ANO2: variants seen among roughly 807,000 people sequenced by gnomAD.
ANO2 encodes anoctamin 2.
In ANO2, 101 loss-of-function variants were observed where a neutral mutation model predicts 124.2. The ratio of observed to expected loss-of-function variants is 0.81; its 90% CI spans 0.69 to 0.96. ANO2 has a LOEUF of 0.96. Ranked by LOEUF, ANO2 falls within the 40% of genes least tolerant of loss-of-function variation. The probability of loss-of-function intolerance (pLI) is 0.00; values close to 1 mark genes in which losing one functional copy is unlikely to be tolerated. For missense variants in ANO2, 1,293 were observed against 1,274.5 expected, an observed-to-expected ratio of 1.01 and a Z score of -0.22; for synonymous variants, 486 against 482.5, an observed-to-expected ratio of 1.01 and a Z score of -0.09.
intron 19 of ANO2, among the ~76,000 whole-genome samples, chr12:5,610,849 CACACACACACAA>C (rs1354616036): frequency 2.7e-5 from 4 of 146,322 alleles, no homozygotes; most frequent in African/African-American, 1.0e-4. Flanking sequence ...CACACACACA[CACACACACACAA>C]CCCTAAGGGA....
chr12:5,568,064 TG>T (rs770517847), intron 23 of ANO2, among the ~76,000 whole-genome samples: 2 of 152,164 alleles, frequency 1.3e-5, no homozygotes, highest in Non-Finnish European at 2.9e-5. Context: ...AAACATACTT[TG>T]TTGTGTGCAA....
At chr12:5,796,876 T>C (rs1220421259) in intron 10 of ANO2, among the ~76,000 whole-genome samples, 1 of 152,214 alleles carries the variant, frequency 6.6e-6, no homozygotes, top group African/African-American at 2.4e-5. Context: ...TCCTGCCCCA[T>C]GAGCTCTCAA....
chr12:5,572,465 C>G (rs1160364655), intron 23 of ANO2, among the ~76,000 whole-genome samples: 2 of 152,222 alleles, frequency 1.3e-5, no homozygotes, highest in Admixed American at 6.5e-5. Context: ...ACACTTAAGT[C>G]TGTGTTAGGT....
At chr12:5,799,157 C>A (rs972418424) in intron 10 of ANO2, among the ~76,000 whole-genome samples, 4 of 152,228 alleles carry the variant, frequency 2.6e-5, no homozygotes, top group Admixed American at 6.5e-5. Flanking sequence ...CATAACCCAA[C>A]AATCAGCTTC....
intron 3 of ANO2, among the ~76,000 whole-genome samples, chr12:5,863,129 C>A (rs2137268509): frequency 6.6e-6 from 1 of 152,242 alleles, no homozygotes. Flanking sequence ...ACCTCTTTTT[C>A]TTTATAAATT....
intron 14 of ANO2, among the ~76,000 whole-genome samples, chr12:5,656,795 T>G (rs1323470745): frequency 6.6e-6 from 1 of 152,194 alleles, no homozygotes; most frequent in Non-Finnish European, 1.5e-5. Context: ...CTCACTTAGA[T>G]CCCTCTCTAT....
intron 9 of ANO2, 65 bp downstream of exon 9, chr12:5,805,987 C>A (rs1953177888): frequency 1.3e-6 from 2 of 1,523,618 alleles, no homozygotes; most frequent in East Asian, 4.5e-5. Flanking sequence ...CACTTCTAGC[C>A]ACTTCCACAC....
At chr12:5,822,855 T>A (rs142920398) in intron 7 of ANO2, among the ~76,000 whole-genome samples, 2,821 of 152,266 alleles carry the variant, frequency 0.019, 49 homozygotes, top group Non-Finnish European at 0.026. Context: ...TTCCACATGG[T>A]TGGGGAGGCC....
chr12:5,911,127 C>G (rs181004927), intron 3 of ANO2, among the ~76,000 whole-genome samples: 13 of 152,318 alleles, frequency 8.5e-5, no homozygotes, highest in Admixed American at 7.8e-4. Flanking sequence ...ACCTCTGTTA[C>G]TGCACTTTTA....
intron 20 of ANO2, among the ~76,000 whole-genome samples, chr12:5,590,949 G>A (rs1191015897): frequency 1.3e-5 from 2 of 152,142 alleles, no homozygotes; most frequent in Admixed American, 6.5e-5. Context: ...CACTTTGGGA[G>A]GCCAAGTCGG....
rs991356173 is a variant in ANO2 at position 5,819,584 on chromosome 12, G to C, written c.892+8185C>G. Among the ~76,000 whole-genome samples the C allele has an allele frequency of 5.9e-5, 9 of 152,332 alleles. No homozygotes were observed. In the East Asian group the frequency reaches 1.5e-3, roughly 26 times the overall value. On this transcript the variant is annotated intron_variant, in intron 7 of 24. Coordinates refer to ENST00000682330, the MANE Select transcript of ANO2 (RefSeq NM_001364791.2). ...GCCTGATCTCCCTTGGTTTAACGTA[G>C]AGGAAGAGATCCAAAGGGTTAGGGA...
intron 20 of ANO2, among the ~76,000 whole-genome samples, chr12:5,586,030 A>G (rs2136859160): frequency 6.6e-6 from 1 of 152,320 alleles, no homozygotes; most frequent in Non-Finnish European, 1.5e-5. Context: ...TTGTTAGAGC[A>G]AGAAGAGAAA....
chr12:5,799,334 C>T lies in ANO2; in HGVS notation c.1055+173G>A, dbSNP rs573955954. On this transcript the variant is annotated intron_variant, in intron 10 of 24. Transcript: ENST00000682330. ...TGCCCCACGCAGCCTCCATGTCCCT[C>T]CCATGTCCCCAGCTGCTTCCCCACC... Among the ~76,000 whole-genome samples, 5 of 152,328 alleles carry T rather than the reference C, an allele frequency of 3.3e-5. No homozygotes were observed. The East Asian group carries it at 9.6e-4, about 29-fold the overall frequency.
chr12:5,772,478 G>A (rs1460236809), intron 10 of ANO2, among the ~76,000 whole-genome samples: 1 of 152,066 alleles, frequency 6.6e-6, no homozygotes, highest in Non-Finnish European at 1.5e-5. Context: ...TTAACTCAAG[G>A]GGCAAACATA....
intron 3 of ANO2, among the ~76,000 whole-genome samples, chr12:5,856,931 A>C (rs1955117198): frequency 6.6e-6 from 1 of 152,224 alleles, no homozygotes; most frequent in Non-Finnish European, 1.5e-5. Flanking sequence ...ACTTGTTTAA[A>C]ATGAAAACAA....
upstream of ANO2, chr12:5,946,090 T>G: frequency 3.8e-6 from 6 of 1,586,022 alleles, no homozygotes; most frequent in Non-Finnish European, 5.2e-6. This position sits in a 1 kb window ranked among gnomAD's most constrained non-coding sequence, Gnocchi z 4.1. Flanking sequence ...ATTAATACCA[T>G]GGACCCCCAA....
chr12:5,767,252 T>C (rs574579009), intron 10 of ANO2, among the ~76,000 whole-genome samples: 5 of 152,298 alleles, frequency 3.3e-5, no homozygotes, highest in South Asian at 4.2e-4. Flanking sequence ...GGTGCAGGGA[T>C]GCCAGAGAGA....
At chr12:5,834,216 G>C (rs1170873359) in intron 4 of ANO2, among the ~76,000 whole-genome samples, 3 of 152,166 alleles carry the variant, frequency 2.0e-5, no homozygotes, top group African/African-American at 7.2e-5. Context: ...GTTGCTTTAG[G>C]CTACTAAGTG....
intron 23 of ANO2, among the ~76,000 whole-genome samples, chr12:5,573,236 T>C (rs1034572616): frequency 3.3e-5 from 5 of 152,192 alleles, no homozygotes; most frequent in African/African-American, 9.7e-5. Flanking sequence ...AAAATTCCTA[T>C]TGATTTAAGC....
Sources: allele counts gnomAD v4.1 joint callset (sites outside exome capture counted in the v4.1 genomes callset), GRCh38; gene constraint gnomAD v4.1.1; non-coding constraint Gnocchi (gnomAD v3.1); transcripts MANE v1.5; gene names NCBI Gene and HGNC (gene_info 2026-07-23, HGNC 2026-07-21).